Variants in KCNK10 observed in about 807,000 individuals in gnomAD.
The protein encoded by KCNK10 is potassium two pore domain channel subfamily K member 10.
KCNK10 carries 25 observed loss-of-function variants against 47.7 expected under a neutral mutation model. That is an observed-to-expected ratio of 0.52 (90% confidence interval 0.38 to 0.73). KCNK10 has a LOEUF of 0.73. Among genes scored for constraint, KCNK10 ranks in the 30% least tolerant of loss-of-function variants. The pLI is 0.00. For missense variants in KCNK10, 563 were observed against 714.5 expected (o/e 0.79, Z 2.42); for synonymous variants, 303 against 285.6 (o/e 1.06, Z -0.61).
intron 4 of KCNK10, among the ~76,000 whole-genome samples, chr14:88,220,738 A>G (rs1369833119): frequency 1.3e-5 from 2 of 152,268 alleles, no homozygotes; most frequent in East Asian, 3.9e-4. Flanking sequence ...CTACATGTAA[A>G]ATGCAAAAGT....
chr14:88,323,035 G>T lies in KCNK10; in HGVS notation c.-237C>A. The T allele has an allele frequency of 7.5e-7, 1 of 1,337,574 alleles. No homozygotes were observed. Among genetic ancestry groups the T allele is most frequent in the Non-Finnish European group, 9.6e-7 (1 of 1,042,206 alleles). The allele number at this position is 1,337,574 out of a possible 1,614,324, so 82.9% of individuals were successfully genotyped here. On this transcript the variant is annotated 5_prime_UTR_variant, in exon 1 of 7. Transcript: ENST00000319231. ...AGGGGGTGGCCGGCCGCGGCCCCGT[G>T]GGTAAAAGAAAAAGTAAGATCGGCG...
intron 2 of KCNK10, among the ~76,000 whole-genome samples, chr14:88,261,426 T>C (rs1417856643): frequency 6.6e-6 from 1 of 152,170 alleles, no homozygotes; most frequent in Non-Finnish European, 1.5e-5. Flanking sequence ...TACAAAAATC[T>C]CATCACCACA....
chr14:88,221,974 A>C (rs1885824156), intron 4 of KCNK10, among the ~76,000 whole-genome samples: 1 of 152,236 alleles, frequency 6.6e-6, no homozygotes, highest in Admixed American at 6.5e-5. Context: ...TATGATTGCA[A>C]CTACACAACT....
intron 3 of KCNK10, among the ~76,000 whole-genome samples, chr14:88,232,040 C>G (rs1225708063): frequency 6.6e-6 from 1 of 152,114 alleles, no homozygotes; most frequent in Non-Finnish European, 1.5e-5. Context: ...ATTTGGCAAG[C>G]CTTTCATTTC....
At chr14:88,187,859 T>C (rs2139822289) in intron 6 of KCNK10, 108 bp downstream of exon 6, 2 of 756,286 alleles carry the variant, frequency 2.6e-6, no homozygotes, top group South Asian at 1.5e-5. Context: ...CCGCTCCCCC[T>C]GCAAAACCGA....
intron 1 of KCNK10, among the ~76,000 whole-genome samples, chr14:88,301,319 T>C (rs1888092850): frequency 6.6e-6 from 1 of 152,220 alleles, no homozygotes; most frequent in South Asian, 2.1e-4. Flanking sequence ...GTAGAGCCTT[T>C]AGTGCTGCTA....
chr14:88,296,864 G>A lies in KCNK10; in HGVS notation c.52+25883C>T, dbSNP rs1029248857. Among the ~76,000 whole-genome samples, 4 of 152,156 alleles carry A rather than the reference G, an allele frequency of 2.6e-5. No individual in the cohort carries two copies. The East Asian group carries it at 7.7e-4, about 29-fold the overall frequency. ...TCGGCCAAAGCATGGTACCAATATA[G>A]TATTGTACAAATATCTTCTATCAAA... On this transcript the variant is annotated intron_variant, in intron 1 of 6. Coordinates refer to ENST00000319231, the MANE Select transcript of KCNK10 (RefSeq NM_138317.3).
chr14:88,249,946 C>T (rs1212582843), intron 2 of KCNK10, among the ~76,000 whole-genome samples: 1 of 152,020 alleles, frequency 6.6e-6, no homozygotes, highest in Admixed American at 6.6e-5. Context: ...TAAATGAATA[C>T]ATTGTATTGT....
chr14:88,242,376 T>C (rs553729709), intron 2 of KCNK10, among the ~76,000 whole-genome samples: 1 of 152,352 alleles, frequency 6.6e-6, no homozygotes, highest in South Asian at 2.1e-4. Context: ...TTTCTTTTTT[T>C]AAATAATCTT....
intron 2 of KCNK10, among the ~76,000 whole-genome samples, chr14:88,254,299 CCT>C (rs1015532277): frequency 1.1e-4 from 16 of 152,116 alleles, no homozygotes; most frequent in Admixed American, 2.0e-4. Flanking sequence ...GGAATAGACC[CCT>C]GTCGTTTGCT....
intron 4 of KCNK10, among the ~76,000 whole-genome samples, chr14:88,223,992 C>T (rs904803045): frequency 2.7e-5 from 4 of 150,580 alleles, no homozygotes; most frequent in African/African-American, 9.8e-5. Context: ...ACTAGCCTTG[C>T]CAACACAGTG....
chr14:88,260,062 C>A lies in KCNK10; in HGVS notation c.402+3140G>T, dbSNP rs1887067354. 6.6e-6 allele frequency among the ~76,000 whole-genome samples: 1 copy of A among 152,134 alleles called. No individual in the cohort carries two copies. Among genetic ancestry groups the A allele is most frequent in the African/African-American group, 2.4e-5 (1 of 41,428 alleles). On this transcript the variant is annotated intron_variant, in intron 2 of 6. Coordinates refer to ENST00000319231, the MANE Select transcript of KCNK10 (RefSeq NM_138317.3). This position sits in a 1 kb window ranked among gnomAD's most constrained non-coding sequence, Gnocchi z 4.5. ...GGTTCAAGCAATTCTTCTGCCTCAG[C>A]CTCCCTAGTAGCTGGGACCACAGGT...
chr14:88,282,646 T>TTTCA (rs1887675862), intron 1 of KCNK10, among the ~76,000 whole-genome samples: 1 of 152,202 alleles, frequency 6.6e-6, no homozygotes, highest in South Asian at 2.1e-4. Flanking sequence ...TGGTCCTCCA[T>TTTCA]TTCAGCACAA....
At chr14:88,326,170 G>C (rs1888657043), upstream of KCNK10, among the ~76,000 whole-genome samples, 1 of 133,454 alleles carries the variant, frequency 7.5e-6, no homozygotes, top group African/African-American at 2.8e-5. Context: ...GTAGACAAAA[G>C]CAAGTTACCC....
intron 1 of KCNK10, among the ~76,000 whole-genome samples, chr14:88,283,007 T>C (rs1026388477): frequency 2.0e-5 from 3 of 152,252 alleles, no homozygotes; most frequent in Admixed American, 1.3e-4. Context: ...CTCTGCAATT[T>C]AGACATGAGC....
intron 1 of KCNK10, among the ~76,000 whole-genome samples, chr14:88,288,530 T>C (rs1353483469): frequency 2.0e-5 from 3 of 152,174 alleles, no homozygotes; most frequent in Non-Finnish European, 4.4e-5. Flanking sequence ...CCATTAGCCA[T>C]TGTTGTTTCT....
chr14:88,204,833 A>G (rs1214392036), intron 4 of KCNK10, among the ~76,000 whole-genome samples: 3 of 152,154 alleles, frequency 2.0e-5, no homozygotes, highest in African/African-American at 7.2e-5. Flanking sequence ...CTTCCCCACT[A>G]TCAACATCCC....
rs555723329 is a variant in KCNK10 at position 88,291,244 on chromosome 14, A to G, written c.53-27693T>C. Among the ~76,000 whole-genome samples the G allele has an allele frequency of 4.6e-5, 7 of 152,212 alleles. No homozygotes were observed. In the South Asian group the frequency reaches 8.3e-4, roughly 18 times the overall value. ...CCGCCCCTCGTTCCCCACCACCCCA[A>G]TGGAGCACCATGTCACCTGCTTTAT... On this transcript the variant is annotated intron_variant, in intron 1 of 6. Coordinates refer to ENST00000319231, the MANE Select transcript of KCNK10 (RefSeq NM_138317.3).
intron 4 of KCNK10, among the ~76,000 whole-genome samples, chr14:88,218,497 A>C (rs1885695184): frequency 6.6e-6 from 1 of 152,030 alleles, no homozygotes; most frequent in Non-Finnish European, 1.5e-5. Context: ...GACACCCAGA[A>C]TCATTTGGAT....
Sources: allele counts gnomAD v4.1 joint callset (sites outside exome capture counted in the v4.1 genomes callset), GRCh38; gene constraint gnomAD v4.1.1; non-coding constraint Gnocchi (gnomAD v3.1); transcripts MANE v1.5; gene names NCBI Gene and HGNC (gene_info 2026-07-23, HGNC 2026-07-21).